Variants in L3MBTL4 observed in about 807,000 individuals in gnomAD.
L3MBTL4 encodes the protein L3MBTL histone methyl-lysine binding protein 4.
In L3MBTL4, 70 loss-of-function variants were observed where a neutral mutation model predicts 84.5. That is an observed-to-expected ratio of 0.83 (90% confidence interval 0.68 to 1.01). The LOEUF (loss-of-function observed/expected upper bound fraction) is 1.01. Among genes scored for constraint, L3MBTL4 ranks in the 50% least tolerant of loss-of-function variants. The probability of loss-of-function intolerance (pLI) is 0.00; values close to 1 mark genes in which losing one functional copy is unlikely to be tolerated. For synonymous variants in L3MBTL4, 274 were observed against 259.8 expected (o/e 1.05, Z -0.52); for missense variants, 715 against 754.8 (o/e 0.95, Z 0.62).
chr18:6,184,726 G>A (rs2044639292), intron 12 of L3MBTL4, among the ~76,000 whole-genome samples: 1 of 152,168 alleles, frequency 6.6e-6, no homozygotes, highest in Admixed American at 6.5e-5. Flanking sequence ...ATTGAGGATG[G>A]GTGAAGAGAA....
At chr18:6,391,277 T>C (rs2055039455) in intron 1 of L3MBTL4, among the ~76,000 whole-genome samples, 1 of 152,064 alleles carries the variant, frequency 6.6e-6, no homozygotes, top group Non-Finnish European at 1.5e-5. Flanking sequence ...TTTTATAAAA[T>C]CCAGCATCCT....
intron 16 of L3MBTL4, among the ~76,000 whole-genome samples, chr18:6,062,822 A>G (rs2057273249): frequency 7.7e-6 from 1 of 129,738 alleles, no homozygotes; most frequent in South Asian, 2.3e-4. Context: ...GAATACTAGC[A>G]TTTCCAATTT....
At chr18:6,233,019 G>A (rs534335774) in intron 10 of L3MBTL4, among the ~76,000 whole-genome samples, 2 of 152,064 alleles carry the variant, frequency 1.3e-5, no homozygotes, top group South Asian at 2.1e-4. Context: ...TTCAAGATAC[G>A]CAAATCAATA....
intron 1 of L3MBTL4, among the ~76,000 whole-genome samples, chr18:6,381,790 G>A (rs2144359357): frequency 6.6e-6 from 1 of 152,292 alleles, no homozygotes; most frequent in Admixed American, 6.5e-5. Context: ...CAACCTTGGT[G>A]AATCTGACAA....
chr18:6,221,720 C>T (rs1369423984), intron 10 of L3MBTL4, among the ~76,000 whole-genome samples: 1 of 152,124 alleles, frequency 6.6e-6, no homozygotes, highest in East Asian at 1.9e-4. Flanking sequence ...CCAGTGCGGC[C>T]CTGGCTAGCT....
intron 13 of L3MBTL4, among the ~76,000 whole-genome samples, chr18:6,139,680 T>C (rs2060136509): frequency 6.6e-6 from 1 of 151,914 alleles, no homozygotes; most frequent in South Asian, 2.1e-4. Flanking sequence ...CCCTACTTCC[T>C]CCTCCTCATC....
chr18:6,348,624 A>G (rs1280723388), intron 1 of L3MBTL4, among the ~76,000 whole-genome samples: 1 of 152,206 alleles, frequency 6.6e-6, no homozygotes, highest in Admixed American at 6.5e-5. Context: ...CAAAACTGGC[A>G]AATATCTTCA....
intron 15 of L3MBTL4, among the ~76,000 whole-genome samples, chr18:6,088,291 T>C (rs112049082): frequency 4.6e-5 from 7 of 152,304 alleles, no homozygotes; most frequent in African/African-American, 1.7e-4. Context: ...GCCACCATCC[T>C]TGGCACCTAG....
chr18:6,088,745 A>C (rs16949394), intron 15 of L3MBTL4, among the ~76,000 whole-genome samples: 7,179 of 152,260 alleles, frequency 0.047, 206 homozygotes, highest in South Asian at 0.1. Flanking sequence ...CTGAGGGTGG[A>C]GATCATAGAA....
chr18:6,285,809 A>ATATTATTATTATTAT lies in L3MBTL4; in HGVS notation c.127+16079_127+16093dup, dbSNP rs139613072. Reference sequence around the variant, plus strand: ...GGACCAATGAACTTTTTTAAAAGATATATTATTATTATTATTATTATTATT... The same window carrying ATATTATTATTATTAT: ...GGACCAATGAACTTTTTTAAAAGATATATTATTATTATTATTATTATTATTATTATTATTATTATT... On this transcript the variant is annotated intron_variant, in intron 4 of 18. Coordinates refer to ENST00000317931, the MANE Select transcript of L3MBTL4 (RefSeq NM_001330559.2). Among the ~76,000 whole-genome samples the ATATTATTATTATTAT allele has an allele frequency of 5.0e-3, 714 of 143,218 alleles. 6 individuals carry two copies. Among genetic ancestry groups the ATATTATTATTATTAT allele is most frequent in the African/African-American group, 0.015 (570 of 38,808 alleles). The allele number at this position is 143,218 out of a possible 152,430, so 94.0% of individuals were successfully genotyped here. A position where few individuals can be genotyped will look rare whatever the true frequency, so the allele number is the denominator to read the frequency against.
intron 4 of L3MBTL4, among the ~76,000 whole-genome samples, chr18:6,283,983 C>A (rs1377042869): frequency 6.6e-6 from 1 of 152,212 alleles, no homozygotes; most frequent in Non-Finnish European, 1.5e-5. Context: ...TAACCAAAGT[C>A]TGGGCGATCA....
At chr18:6,035,154 TA>T (rs1193401723) in intron 16 of L3MBTL4, among the ~76,000 whole-genome samples, 6 of 150,406 alleles carry the variant, frequency 4.0e-5, no homozygotes, top group African/African-American at 1.5e-4. Context: ...TTAGTTTAAT[TA>T]GATCCCATTT....
rs1193980193 is a variant in L3MBTL4, at chr18:6,414,609, A to G, written c.-91+192T>C. 1 of 151,864 alleles carries G rather than the reference A, an allele frequency of 6.6e-6. No homozygotes were observed. The allele number at this position is 151,864 out of a possible 1,614,324, so 9.4% of individuals were successfully genotyped here. ...CCGGCGCGCGCCCCGGCGGCGAAAG[A>G]GAAAGAGAAAGAGCCTGGGCCGGGA... On this transcript the variant is annotated intron_variant, in intron 1 of 18. Transcript: ENST00000317931. This position sits in a 1 kb window ranked among gnomAD's most constrained non-coding sequence, Gnocchi z 5.4.
chr18:6,145,697 G>C (rs2042621379), intron 13 of L3MBTL4, among the ~76,000 whole-genome samples: 1 of 151,938 alleles, frequency 6.6e-6, no homozygotes, highest in South Asian at 2.1e-4. Context: ...AAATGTCACA[G>C]ATAACAGTCA....
intron 16 of L3MBTL4, among the ~76,000 whole-genome samples, chr18:6,004,093 A>G (rs1455315247): frequency 6.6e-6 from 1 of 152,146 alleles, no homozygotes; most frequent in East Asian, 1.9e-4. Flanking sequence ...CCAAGAGTTG[A>G]TTTTTCAAAA....
intron 13 of L3MBTL4, among the ~76,000 whole-genome samples, chr18:6,164,371 C>T (rs1010328649): frequency 1.4e-4 from 21 of 152,256 alleles, no homozygotes; most frequent in Non-Finnish European, 2.6e-4. Context: ...TGAGAATGGG[C>T]AGACTGCATC....
intron 16 of L3MBTL4, among the ~76,000 whole-genome samples, chr18:5,989,685 C>T (rs1274487605): frequency 1.3e-5 from 2 of 152,170 alleles, no homozygotes; most frequent in African/African-American, 2.4e-5. Flanking sequence ...AGAATTGGGG[C>T]AGGGAGGGAA....
intron 1 of L3MBTL4, among the ~76,000 whole-genome samples, chr18:6,402,268 C>T (rs2055544755): frequency 6.6e-6 from 1 of 152,176 alleles, no homozygotes; most frequent in South Asian, 2.1e-4. Flanking sequence ...ATCTACATTG[C>T]CATCTCTCAA....
chr18:6,389,932 A>T (rs1385433721), intron 1 of L3MBTL4, among the ~76,000 whole-genome samples: 4 of 152,142 alleles, frequency 2.6e-5, no homozygotes, highest in East Asian at 3.8e-4. Context: ...CTTAAACTAC[A>T]CACTAGAACA....
Sources: gnomAD v4.1 joint callset for allele counts (sites outside exome capture counted in the v4.1 genomes callset) on GRCh38, gnomAD v4.1.1 for gene constraint, Gnocchi (gnomAD v3.1) non-coding constraint, MANE v1.5 for transcripts, NCBI Gene and HGNC (gene_info 2026-07-23, HGNC 2026-07-21) for gene names.